TPM2: variants seen among roughly 807,000 people sequenced by gnomAD.
The protein encoded by TPM2 is tropomyosin beta chain.
A neutral mutation model predicts 41.0 loss-of-function variants in TPM2; 26 were observed. That is an observed-to-expected ratio of 0.63 (90% confidence interval 0.46 to 0.88). The LOEUF (loss-of-function observed/expected upper bound fraction) is 0.88, where lower values mean the gene tolerates loss of function less well. Among genes scored for constraint, TPM2 ranks in the 40% least tolerant of loss-of-function variants. The pLI, the probability that TPM2 is intolerant of heterozygous loss-of-function variation, is 0.00. For missense variants in TPM2, 187 were observed against 355.2 expected (o/e 0.53, Z 3.81); for synonymous variants, 143 against 139.3 (o/e 1.03, Z -0.19).
chr9:35,689,766 C>T lies in TPM2; in HGVS notation c.52G>A (p.Ala18Thr). 3.7e-6 allele frequency: 6 copies of T among 1,613,768 alleles called. No individual in the cohort carries two copies. The highest frequency in any genetic ancestry group is 5.1e-6 in the Non-Finnish European group (6 of 1,179,742). Residue 18 changes from alanine to threonine, a missense_variant, in exon 1 of 9, where the codon GCC becomes ACC. Transcript: ENST00000645482. ...MQMLKLDKEN[A>T]IDRAEQAEAD... ...TCGGCCTGCTCGGCGCGGTCGATGG[C>T]GTTCTCCTTGTCCAGCTTCAGCATC... is the stretch of plus-strand genomic sequence containing the variant.
intron 2 of TPM2, among the ~76,000 whole-genome samples, chr9:35,687,273 C>A (rs539040380): frequency 5.3e-5 from 8 of 151,922 alleles, no homozygotes; most frequent in Non-Finnish European, 1.2e-4. Context: ...TTTTAAAGCC[C>A]CCGAGTGATT....
rs1297223004 is a variant in TPM2, at chr9:35,684,814, G to A, written c.564-7C>T. ...CTCTAGGTCCCCACATTTACTGCAGGGGGTGTGTGGCGGGGGGGGCAGGGT... is the reference window on the plus strand; with the variant it reads ...CTCTAGGTCCCCACATTTACTGCAGAGGGTGTGTGGCGGGGGGGGCAGGGT... On this transcript the variant is annotated splice_region_variant and splice_polypyrimidine_tract_variant and intron_variant, in intron 5 of 8. Coordinates refer to ENST00000645482, the MANE Select transcript of TPM2 (RefSeq NM_003289.4). 1 of 1,566,726 alleles carries A rather than the reference G, an allele frequency of 6.4e-7. No homozygotes were observed. The highest frequency in any genetic ancestry group is 1.6e-5 in the African/African-American group (1 of 62,318).
chr9:35,687,256 CT>C (rs1028123446), intron 2 of TPM2, among the ~76,000 whole-genome samples: 5 of 149,258 alleles, frequency 3.3e-5, no homozygotes, highest in Admixed American at 6.7e-5. Context: ...GGAATCTTCT[CT>C]TTTTTTTTTA....
intron 1 of TPM2, 73 bp from the exon 2 acceptor site, chr9:35,689,344 G>T (rs1825119343): frequency 6.9e-6 from 11 of 1,595,020 alleles, no homozygotes; most frequent in Non-Finnish European, 9.4e-6. Flanking sequence ...GGTGTGTGTA[G>T]GGGCGCTACT....
At chr9:35,689,043 G>T in intron 2 of TPM2, 103 bp downstream of exon 2, 1 of 1,349,110 alleles carries the variant, frequency 7.4e-7, no homozygotes, top group Non-Finnish European at 1.1e-6. Flanking sequence ...CCTGGCGCTG[G>T]GGACATAAGG....
intron 1 of TPM2, 50 bp downstream of exon 1, chr9:35,689,654 C>G (rs1373173250): frequency 6.2e-7 from 1 of 1,606,530 alleles, no homozygotes; most frequent in Non-Finnish European, 8.5e-7. Context: ...CAGCGGCCCA[C>G]CCTTGCCCTA....
intron 2 of TPM2, 130 bp downstream of exon 2, chr9:35,689,016 G>T: frequency 8.8e-7 from 1 of 1,134,874 alleles, no homozygotes; most frequent in Non-Finnish European, 1.3e-6. Context: ...TGGTTACTGA[G>T]ATGAAACCAT....
At chr9:35,689,953 A>T (rs3793539), upstream of TPM2, 430,011 of 1,563,712 alleles carry the variant, frequency 0.27, 60,626 homozygotes, top group East Asian at 0.31. Flanking sequence ...CGGGCGCCTA[A>T]AAGGCGGGGA....
intron 5 of TPM2, 90 bp from the exon 6 acceptor site, chr9:35,684,897 G>A (rs992182375): frequency 1.2e-6 from 2 of 1,611,740 alleles, no homozygotes; most frequent in East Asian, 2.2e-5. Flanking sequence ...GGGTGGAGGA[G>A]AGAAGAGAAG....
intron 8 of TPM2, 29 bp from the exon 9 acceptor site, chr9:35,683,270 T>C (rs1824683526): frequency 6.5e-7 from 1 of 1,540,504 alleles, no homozygotes; most frequent in East Asian, 2.4e-5. Flanking sequence ...GGGGACCAGG[T>C]GGGAGTGTGG....
intron 1 of TPM2, 71 bp downstream of exon 1, chr9:35,689,633 G>A: frequency 1.2e-6 from 2 of 1,600,770 alleles, no homozygotes; most frequent in Admixed American, 3.3e-5. Context: ...CCGGGGCTGG[G>A]GGACCCATGG....
At position 35,689,909 on chromosome 9, in the gene TPM2, G is replaced by T. The variant is rs886063906; in HGVS notation, c.-92C>A. 2.0e-5 allele frequency: 32 copies of T among 1,603,504 alleles called. No individual in the cohort carries two copies. Among genetic ancestry groups the T allele is most frequent in the Non-Finnish European group, 2.5e-5 (30 of 1,177,204 alleles). On this transcript the variant is annotated 5_prime_UTR_variant, in exon 1 of 9. Coordinates refer to ENST00000645482, the MANE Select transcript of TPM2 (RefSeq NM_003289.4). ...ACTGGGTGCACCGGTGGCAGGCGAG[G>T]AGGACGGAGCGGGACTGGGACGTCC...
rs1824661303 is a variant in TPM2, at chr9:35,682,999, CAG to C, written c.*158_*159del. 2.6e-6 allele frequency: 4 copies of C among 1,538,682 alleles called. No homozygotes were observed. The highest frequency in any genetic ancestry group is 3.5e-6 in the Non-Finnish European group (4 of 1,140,058). On this transcript the variant is annotated 3_prime_UTR_variant, in exon 9 of 9. Coordinates refer to ENST00000645482, the MANE Select transcript of TPM2 (RefSeq NM_003289.4). The stretch of plus-strand genomic sequence containing the variant: ...GATAGGTAAAGGATGAAGCCAGTGC[CAG>C]AGTGGGTGGTGGGCATGATGGGGGC...
At chr9:35,687,114 C>T (rs966796181) in intron 2 of TPM2, among the ~76,000 whole-genome samples, 1 of 152,190 alleles carries the variant, frequency 6.6e-6, no homozygotes, top group Non-Finnish European at 1.5e-5. Context: ...CTTCTTAAGG[C>T]TGTTCTGAGA....
chr9:35,687,097 G>C (rs912796186), intron 2 of TPM2, among the ~76,000 whole-genome samples: 5 of 152,146 alleles, frequency 3.3e-5, no homozygotes, highest in Admixed American at 1.3e-4. Flanking sequence ...AACAATAACA[G>C]TTCCTCCTTC....
chr9:35,687,310 T>C (rs925009226), intron 2 of TPM2, among the ~76,000 whole-genome samples: 1 of 152,020 alleles, frequency 6.6e-6, no homozygotes. Flanking sequence ...TTTGGGAAAT[T>C]GTAAAATAAC....
Position 35,684,827 on chromosome 9 carries a change from G to A in TPM2, c.564-20C>T, listed in dbSNP as rs763690941. On this transcript the variant is annotated intron_variant, in intron 5 of 8. Coordinates refer to ENST00000645482, the MANE Select transcript of TPM2 (RefSeq NM_003289.4). ...CATTTACTGCAGGGGGTGTGTGGCGGGGGGGGCAGGGTGTGAGGGCACAGC... is the reference window on the plus strand; with the variant it reads ...CATTTACTGCAGGGGGTGTGTGGCGAGGGGGGCAGGGTGTGAGGGCACAGC... 1.9e-6 allele frequency: 3 copies of A among 1,613,510 alleles called. No individual in the cohort carries two copies. In the East Asian group the frequency reaches 6.7e-5, roughly 36 times the overall value.
At chr9:35,686,631 C>T (rs1824926605) in intron 2 of TPM2, among the ~76,000 whole-genome samples, 3 of 80,944 alleles carry the variant, frequency 3.7e-5, no homozygotes, top group Admixed American at 1.9e-4. Flanking sequence ...AGCAAGATCC[C>T]ATCTCAAAAA....
rs777179868 is a variant in TPM2, at chr9:35,689,218, C to T, written c.168G>A (p.Glu56=). The T allele has an allele frequency of 6.2e-7, 1 of 1,614,214 alleles. No homozygotes were observed. The highest frequency in any genetic ancestry group is 8.5e-7 in the Non-Finnish European group (1 of 1,180,030). ...TCACGGATTCAGAATACTTTTCCAC[C>T]TCATCCTCTGTCCCCTTCAGCTTCT... The part of the protein sequence containing the change: ...LQKKLKGTED[E]VEKYSESVKE... Residue 56 remains glutamate (E), a synonymous_variant, in exon 2 of 9, where the codon GAG becomes GAA. Transcript: ENST00000645482.
Sources: allele counts gnomAD v4.1 joint callset (sites outside exome capture counted in the v4.1 genomes callset), GRCh38; gene constraint gnomAD v4.1.1; transcripts MANE v1.5; gene names NCBI Gene and HGNC (gene_info 2026-07-23, HGNC 2026-07-21).